LRP1B: variants seen among roughly 807,000 people sequenced by gnomAD.
LRP1B encodes LDL receptor related protein 1B, also known as low-density lipoprotein receptor-related protein 1B.
In LRP1B, 217 loss-of-function variants were observed where a neutral mutation model predicts 556.6. The ratio of observed to expected loss-of-function variants is 0.39; its 90% CI spans 0.35 to 0.44. LRP1B has a LOEUF of 0.44. Among genes scored for constraint, LRP1B ranks in the 20% least tolerant of loss-of-function variants. The pLI, the probability that LRP1B is intolerant of heterozygous loss-of-function variation, is 1.00. For missense variants in LRP1B, 5,053 were observed against 5,620.8 expected (o/e 0.90, Z 3.23); for synonymous variants, 2,047 against 1,865.8 (o/e 1.10, Z -2.50).
chr2:141,262,036 C>T (rs962698383), intron 3 of LRP1B, among the ~76,000 whole-genome samples: 1 of 152,088 alleles, frequency 6.6e-6, no homozygotes, highest in African/African-American at 2.4e-5. Context: ...TACCTTCTTC[C>T]CAGCAGTTGG....
At chr2:141,753,734 A>T (rs1694219282) in intron 2 of LRP1B, among the ~76,000 whole-genome samples, 1 of 152,126 alleles carries the variant, frequency 6.6e-6, no homozygotes, top group South Asian at 2.1e-4. Flanking sequence ...ACTGCATAGG[A>T]TACTTTCTCC....
At chr2:140,370,918 T>C (rs2105165866) in intron 70 of LRP1B, 76 bp from the exon 71 acceptor site, 1 of 1,464,224 alleles carries the variant, frequency 6.8e-7, no homozygotes. Flanking sequence ...AACATGCAGC[T>C]TGTAATACTA....
intron 86 of LRP1B, among the ~76,000 whole-genome samples, chr2:140,251,323 T>C (rs546873171): frequency 3.4e-4 from 51 of 151,960 alleles, no homozygotes; most frequent in Middle Eastern, 6.8e-3. Flanking sequence ...TAGTAATTAT[T>C]ACAAAGAGAA....
intron 82 of LRP1B, among the ~76,000 whole-genome samples, chr2:140,320,062 C>T (rs1680017865): frequency 6.6e-6 from 1 of 152,158 alleles, no homozygotes; most frequent in African/African-American, 2.4e-5. Flanking sequence ...GCTTTTCTGT[C>T]TTAGTGTCCT....
intron 66 of LRP1B, among the ~76,000 whole-genome samples, chr2:140,392,015 G>A (rs1044742417): frequency 6.6e-6 from 1 of 152,050 alleles, no homozygotes; most frequent in African/African-American, 2.4e-5. Flanking sequence ...TGTAGCATTG[G>A]GCAAATGATT....
At chr2:140,410,907 C>A (rs367883273) in intron 66 of LRP1B, among the ~76,000 whole-genome samples, 1 of 152,096 alleles carries the variant, frequency 6.6e-6, no homozygotes, top group East Asian at 1.9e-4. Flanking sequence ...CTGGGTTGAA[C>A]CCTATGACAG....
chr2:141,046,881 A>G (rs1219048973), intron 11 of LRP1B, among the ~76,000 whole-genome samples: 1 of 152,090 alleles, frequency 6.6e-6, no homozygotes, highest in Non-Finnish European at 1.5e-5. Flanking sequence ...CAGGAGTTTG[A>G]GACCAACCTG....
At chr2:140,617,675 T>G (rs1483092016) in intron 41 of LRP1B, among the ~76,000 whole-genome samples, 3 of 152,022 alleles carry the variant, frequency 2.0e-5, no homozygotes, top group Non-Finnish European at 4.4e-5. Context: ...GATAAAGGAC[T>G]TTCTATTCAG....
At chr2:140,249,095 T>C (rs191027189) in intron 86 of LRP1B, among the ~76,000 whole-genome samples, 91 of 151,488 alleles carry the variant, frequency 6.0e-4, no homozygotes, top group Non-Finnish European at 1.5e-4. Context: ...CCAAGGCATA[T>C]TTTATTGTGT....
chr2:142,118,606 T>G (rs1278930765), intron 1 of LRP1B, among the ~76,000 whole-genome samples: 1 of 152,138 alleles, frequency 6.6e-6, no homozygotes, highest in African/African-American at 2.4e-5. Context: ...AGTACTTTCC[T>G]TATGAAAGAA....
chr2:141,772,105 C>G (rs558594326), intron 2 of LRP1B, among the ~76,000 whole-genome samples: 1 of 152,096 alleles, frequency 6.6e-6, no homozygotes, highest in East Asian at 1.9e-4. Context: ...CATGCCCGGC[C>G]GATGATCTCT....
At chr2:140,311,056 A>G (rs1684274839) in intron 83 of LRP1B, among the ~76,000 whole-genome samples, 1 of 151,866 alleles carries the variant, frequency 6.6e-6, no homozygotes, top group Admixed American at 6.6e-5. Flanking sequence ...AGACAAGGGA[A>G]CACTTATACG....
intron 27 of LRP1B, among the ~76,000 whole-genome samples, chr2:140,867,284 C>T (rs1241377759): frequency 1.3e-5 from 2 of 151,976 alleles, no homozygotes; most frequent in African/African-American, 4.8e-5. Context: ...CATGTACCAC[C>T]CCCTCTCTTC....
At chr2:141,921,469 G>A (rs1293434173) in intron 1 of LRP1B, among the ~76,000 whole-genome samples, 1 of 151,926 alleles carries the variant, frequency 6.6e-6, no homozygotes, top group Middle Eastern at 3.3e-3. Flanking sequence ...TGGGTTCTAT[G>A]TATGTGTTTG....
At chr2:141,291,855 C>CAAAAAAAAAAAAAAAAA (rs143819331) in intron 3 of LRP1B, among the ~76,000 whole-genome samples, 5 of 99,336 alleles carry the variant, frequency 5.0e-5, no homozygotes, top group Non-Finnish European at 7.8e-5. Context: ...GACTCTGTCT[C>CAAAAAAAAAAAAAAAAA]AAAAAAAAAA....
Position 141,247,288 on chromosome 2 carries a change from G to A in LRP1B, c.530C>T (p.Thr177Ile), listed in dbSNP as rs1315235939. 3 of 1,613,850 alleles carry A rather than the reference G, an allele frequency of 1.9e-6. No individual in the cohort carries two copies. The highest frequency in any genetic ancestry group is 4.5e-5 in the East Asian group (2 of 44,852). The part of the protein sequence containing the change: ...QTCRNTHGSY[T>I]CSCVEGYLMQ... The stretch of plus-strand genomic sequence containing the variant: ...TAGGTAGCCTTCCACACAACTGCAA[G>A]TGTAGGATCCATGTGTGTTTCTGCA... Residue 177 changes from threonine (T) to isoleucine (I), a missense_variant, in exon 5 of 91, where the codon ACT becomes ATT. Physicochemically the swap from Thr to Ile is moderately conservative, Grantham distance 89. Transcript: ENST00000389484.
At chr2:141,042,330 G>A (rs1022480262) in intron 11 of LRP1B, among the ~76,000 whole-genome samples, 5 of 152,034 alleles carry the variant, frequency 3.3e-5, no homozygotes, top group African/African-American at 1.2e-4. Context: ...CTCCAGATTC[G>A]TCTCTTGTAA....
intron 3 of LRP1B, among the ~76,000 whole-genome samples, chr2:141,299,974 G>C (rs1167998138): frequency 6.6e-6 from 1 of 152,076 alleles, no homozygotes; most frequent in Non-Finnish European, 1.5e-5. Flanking sequence ...GAGTCCTTTG[G>C]GGGATAATTT....
chr2:141,301,634 C>T (rs978108870), intron 3 of LRP1B, among the ~76,000 whole-genome samples: 1 of 152,192 alleles, frequency 6.6e-6, no homozygotes. Context: ...TGACTTGCCA[C>T]TACCAGAATA....
Sources: allele counts gnomAD v4.1 joint callset (sites outside exome capture counted in the v4.1 genomes callset), GRCh38; gene constraint gnomAD v4.1.1; transcripts MANE v1.5; gene names NCBI Gene and HGNC (gene_info 2026-07-23, HGNC 2026-07-21).